The following MAF variants were observed in gnomAD, a reference collection of about 807,000 sequenced individuals.
The protein encoded by MAF is transcription factor Maf.
Under a neutral mutation model 22.0 loss-of-function variants are expected in MAF, and 10 were observed. The observed-to-expected ratio is 0.45, with a 90% CI of 0.28 to 0.77. MAF has a LOEUF of 0.77. Ranked by LOEUF, MAF falls within the 30% of genes least tolerant of loss-of-function variation. The pLI is 0.12. For synonymous variants in MAF, 337 were observed against 255.8 expected (o/e 1.32, Z -3.03); for missense variants, 544 against 548.4 (o/e 0.99, Z 0.08).
At chr16:79,474,011 T>C in the MAF span, among the ~76,000 whole-genome samples, 12 of 152,038 alleles carry the variant, frequency 7.9e-5, no homozygotes, top group South Asian at 1.0e-3. Flanking sequence ...AGCATTCTTA[T>C]GTCTATAAGG....
At chr16:79,470,081 G>C in the MAF span, among the ~76,000 whole-genome samples, 1 of 152,228 alleles carries the variant, frequency 6.6e-6, no homozygotes, top group Admixed American at 6.5e-5. Context: ...GGCCATGTCA[G>C]GCATTTGTAA....
At chr16:79,432,959 T>A in the MAF span, among the ~76,000 whole-genome samples, 1,278 of 152,266 alleles carry the variant, frequency 8.4e-3, 9 homozygotes, top group Admixed American at 0.029. Context: ...TTCTATTGTA[T>A]AAGCTACCTG....
At chr16:79,483,011 CCT>C in the MAF span, among the ~76,000 whole-genome samples, 1 of 23,762 alleles carries the variant, frequency 4.2e-5, no homozygotes, top group South Asian at 2.8e-3. Flanking sequence ...TCCTTCCCTC[CCT>C]CTGTCTCTTC....
chr16:79,563,207 G>C, the MAF span, among the ~76,000 whole-genome samples: 1 of 152,144 alleles, frequency 6.6e-6, no homozygotes, highest in Non-Finnish European at 1.5e-5. Flanking sequence ...GTTTTCAACT[G>C]GATAACTCAA....
the MAF span, among the ~76,000 whole-genome samples, chr16:79,521,111 G>A: frequency 1.6e-4 from 25 of 152,146 alleles, no homozygotes; most frequent in East Asian, 3.9e-4. Context: ...AGAATGCATC[G>A]AAAGCGCTTA....
At chr16:79,554,279 G>C in the MAF span, among the ~76,000 whole-genome samples, 85 of 152,252 alleles carry the variant, frequency 5.6e-4, no homozygotes, top group African/African-American at 2.0e-3. Context: ...TTACAGATGA[G>C]GAAACTGAGG....
chr16:79,571,554 T>C, the MAF span, among the ~76,000 whole-genome samples: 307 of 139,858 alleles, frequency 2.2e-3, 3 homozygotes, highest in Admixed American at 3.3e-3. Context: ...TTTTTTTTTT[T>C]ACAAATGCAC....
chr16:79,296,053 T>C, the MAF span, among the ~76,000 whole-genome samples: 9 of 152,222 alleles, frequency 5.9e-5, no homozygotes, highest in African/African-American at 2.2e-4. Flanking sequence ...TGTGGGCTGA[T>C]GGCTGTGGAA....
At chr16:79,375,324 C>G in the MAF span, among the ~76,000 whole-genome samples, 1 of 152,148 alleles carries the variant, frequency 6.6e-6, no homozygotes, top group Non-Finnish European at 1.5e-5. Flanking sequence ...AGAATCCCTC[C>G]TCTCCTCCTA....
At chr16:79,289,854 A>ATTTTTTTTTTTTTTTTT in the MAF span, among the ~76,000 whole-genome samples, 1 of 55,642 alleles carries the variant, frequency 1.8e-5, no homozygotes, top group African/African-American at 6.2e-5. Context: ...TTGTTTGTGT[A>ATTTTTTTTTTTTTTTTT]TTTTTTTTTT....
the MAF span, among the ~76,000 whole-genome samples, chr16:79,535,264 T>C: frequency 6.6e-6 from 1 of 152,042 alleles, no homozygotes; most frequent in African/African-American, 2.4e-5. Context: ...ACTCAGAGAC[T>C]GGCTGTGGAT....
chr16:79,383,405 G>C, the MAF span, among the ~76,000 whole-genome samples: 1 of 151,702 alleles, frequency 6.6e-6, no homozygotes, highest in African/African-American at 2.4e-5. Context: ...TAAATGTCTT[G>C]GTTTAAAAAA....
chr16:79,434,987 G>A, the MAF span, among the ~76,000 whole-genome samples: 3 of 152,074 alleles, frequency 2.0e-5, no homozygotes, highest in East Asian at 1.9e-4. Context: ...GCCCAGATCC[G>A]GCTGCTTATC....
chr16:79,326,718 T>C, the MAF span, among the ~76,000 whole-genome samples: 1 of 152,232 alleles, frequency 6.6e-6, no homozygotes, highest in African/African-American at 2.4e-5. Context: ...GGAGCATGGC[T>C]GTGTTCCAAT....
the MAF span, among the ~76,000 whole-genome samples, chr16:79,455,615 T>C: frequency 3.3e-5 from 5 of 152,238 alleles, no homozygotes; most frequent in African/African-American, 1.2e-4. Flanking sequence ...GGGCGGTTTT[T>C]ATTCCCACCT....
At chr16:79,366,165 C>G in the MAF span, among the ~76,000 whole-genome samples, 1 of 152,112 alleles carries the variant, frequency 6.6e-6, no homozygotes, top group Non-Finnish European at 1.5e-5. Context: ...CAAGCTTTGC[C>G]CAAGCCTGGG....
chr16:79,234,795 G>A, the MAF span, among the ~76,000 whole-genome samples: 1 of 152,044 alleles, frequency 6.6e-6, no homozygotes, highest in Non-Finnish European at 1.5e-5. Flanking sequence ...GCCTGAGGTG[G>A]GTAGGATCTG....
At chr16:79,380,532 C>T in the MAF span, among the ~76,000 whole-genome samples, 1 of 152,186 alleles carries the variant, frequency 6.6e-6, no homozygotes, top group African/African-American at 2.4e-5. Flanking sequence ...CAGCTACCTG[C>T]CTGGTTAGAC....
chr16:79,396,622 T>C, the MAF span, among the ~76,000 whole-genome samples: 2 of 152,178 alleles, frequency 1.3e-5, no homozygotes, highest in African/African-American at 4.8e-5. Flanking sequence ...CCCTCATCTT[T>C]AAAATGGGTC....
Sources: gnomAD v4.1 joint callset for allele counts (sites outside exome capture counted in the v4.1 genomes callset) on GRCh38, gnomAD v4.1.1 for gene constraint, MANE v1.5 for transcripts, NCBI Gene and HGNC (gene_info 2026-07-23, HGNC 2026-07-21) for gene names.